GABRA2: variants seen among roughly 807,000 people sequenced by gnomAD.
GABRA2 encodes the protein gamma-aminobutyric acid type A receptor subunit alpha2.
In GABRA2, 16 loss-of-function variants were observed where a neutral mutation model predicts 48.7. That is an observed-to-expected ratio of 0.33 (90% CI 0.22 to 0.50). The LOEUF (loss-of-function observed/expected upper bound fraction) is 0.50, where lower values mean the gene tolerates loss of function less well. Among genes scored for constraint, GABRA2 ranks in the 20% least tolerant of loss-of-function variants. The pLI, the probability that GABRA2 is intolerant of heterozygous loss-of-function variation, is 0.98. For missense variants in GABRA2, 275 were observed against 535.6 expected, an observed-to-expected ratio of 0.51 and a Z score of 4.80; for synonymous variants, 185 against 184.5, an observed-to-expected ratio of 1.00 and a Z score of -0.02.
In GABRA2 at chr4:46,244,502, T is replaced by C. The variant is rs1446222716; in HGVS notation, c.*5806A>G. Among the ~76,000 whole-genome samples, 2 of 151,546 alleles carry C rather than the reference T, an allele frequency of 1.3e-5. No individual in the cohort carries two copies. The highest frequency in any genetic ancestry group is 4.8e-5 in the African/African-American group (2 of 41,400). On this transcript the variant is annotated 3_prime_UTR_variant, in exon 10 of 10. Transcript: ENST00000381620. ...CAAACCTAGTAAGCTAATTCAGCAA[T>C]TGCAATCCCACCGGTGGCATCCCTT...
chr4:46,389,859 G>A lies in GABRA2; in HGVS notation c.-135C>T. 1 of 954,166 alleles carries A rather than the reference G, an allele frequency of 1.0e-6. No homozygotes were observed. The highest frequency in any genetic ancestry group is 2.0e-5 in the African/African-American group (1 of 50,476). The allele number at this position is 954,166 out of a possible 1,614,324, so 59.1% of individuals were successfully genotyped here. A position where few individuals can be genotyped will look rare whatever the true frequency, so the allele number is the denominator to read the frequency against. On this transcript the variant is annotated 5_prime_UTR_variant, in exon 1 of 10. Transcript: ENST00000381620. ...AGAGAGAGAGAGAGAGAGAGAGAGA[G>A]AGACCGAGACTGCAGCAGCCAAGAG...
intron 3 of GABRA2, among the ~76,000 whole-genome samples, chr4:46,378,102 C>G (rs1248608224): frequency 1.3e-5 from 2 of 152,074 alleles, no homozygotes; most frequent in East Asian, 3.9e-4. Flanking sequence ...TGCCCGGCCG[C>G]CCCTACTGGG....
intron 6 of GABRA2, among the ~76,000 whole-genome samples, 155 bp downstream of exon 6, chr4:46,310,018 T>C (rs984989053): frequency 2.2e-4 from 34 of 152,156 alleles, no homozygotes; most frequent in Non-Finnish European, 4.6e-4. Flanking sequence ...TGAGAGATGT[T>C]CCTTAAGGAC....
At chr4:46,255,981 C>G (rs911735922) in intron 9 of GABRA2, among the ~76,000 whole-genome samples, 27 of 151,446 alleles carry the variant, frequency 1.8e-4, no homozygotes, top group African/African-American at 5.8e-4. Context: ...AAATGGGGCT[C>G]TCATTCAAAC....
intron 3 of GABRA2, among the ~76,000 whole-genome samples, chr4:46,344,725 A>C (rs1733857801): frequency 6.6e-6 from 1 of 151,846 alleles, no homozygotes; most frequent in South Asian, 2.1e-4. Flanking sequence ...GGAAGAGAGA[A>C]CATCCTTGAT....
chr4:46,343,992 C>T (rs1042408396), intron 3 of GABRA2, among the ~76,000 whole-genome samples: 1 of 151,742 alleles, frequency 6.6e-6, no homozygotes, highest in African/African-American at 2.4e-5. Flanking sequence ...AGGATTAAGG[C>T]TTGACAGGAG....
At chr4:46,343,816 A>G (rs1317174715) in intron 3 of GABRA2, among the ~76,000 whole-genome samples, 1 of 151,996 alleles carries the variant, frequency 6.6e-6, no homozygotes. Flanking sequence ...TTTGCCATCT[A>G]TGTATATCTG....
rs1187310265 is a variant in GABRA2 at position 46,248,469 on chromosome 4, T to C, written c.*1839A>G. 6.6e-6 allele frequency: 1 copy of C among 151,440 alleles called. No homozygotes were observed. The highest frequency in any genetic ancestry group is 1.5e-5 in the Non-Finnish European group (1 of 67,598). 9.4% of individuals were successfully genotyped at this position (151,440 alleles called of 1,614,324 possible). A position where few individuals can be genotyped will look rare whatever the true frequency, so the allele number is the denominator to read the frequency against. On this transcript the variant is annotated 3_prime_UTR_variant, in exon 10 of 10. Transcript: ENST00000381620. ...TTTATTGGCTCATGTAACAATTTTA[T>C]TTTATTAAGGATTATGGATTACCTC...
chr4:46,325,873 T>C (rs1054309260), intron 4 of GABRA2, among the ~76,000 whole-genome samples: 2 of 152,000 alleles, frequency 1.3e-5, no homozygotes, highest in Non-Finnish European at 2.9e-5. Flanking sequence ...TTGTCAAAGA[T>C]TATCTAGCTA....
chr4:46,266,315 TTAAAATAAATA>T (rs1412820341), intron 8 of GABRA2, among the ~76,000 whole-genome samples: 1 of 147,880 alleles, frequency 6.8e-6, no homozygotes, highest in African/African-American at 2.4e-5. Context: ...TTTTTAATAT[TTAAAATAAATA>T]TAAAATAAAT....
Position 46,286,383 on chromosome 4 carries a change from C to T in GABRA2, c.856+17077G>A, listed in dbSNP as rs150884179. Among the ~76,000 whole-genome samples, 497 of 151,948 alleles carry T rather than the reference C, an allele frequency of 3.3e-3. 1 individual carries two copies. Among genetic ancestry groups the T allele is most frequent in the African/African-American group, 0.011 (448 of 41,486 alleles). On this transcript the variant is annotated intron_variant, in intron 8 of 9. Transcript: ENST00000381620. Reference sequence around the variant, plus strand: ...ATTTGGATTGTTTCCACCTTTTGACCATTGAGAATAATGCTGCTGTAAACA... The same window carrying T: ...ATTTGGATTGTTTCCACCTTTTGACTATTGAGAATAATGCTGCTGTAAACA...
rs905999861 is a variant in GABRA2 at position 46,305,598 on chromosome 4, T to C, written c.673A>G (p.Ile225Val). The change falls in exon 7 of 10, where the codon ATC becomes GTC. Residue 225 changes from isoleucine to valine, a missense_variant. Transcript: ENST00000381620. ...CTGGATTTAATTGTCTCCTTTCCGATTGATTGGCCCAGCAGGTCATATTGA... is the reference window on the plus strand; with the variant it reads ...CTGGATTTAATTGTCTCCTTTCCGACTGATTGGCCCAGCAGGTCATATTGA... The part of the protein sequence containing the change: ...LNQYDLLGQS[I>V]GKETIKSSTG... 18 of 1,613,806 alleles carry C rather than the reference T, an allele frequency of 1.1e-5. No individual in the cohort carries two copies. The highest frequency in any genetic ancestry group is 2.2e-5 in the East Asian group (1 of 44,856).
At chr4:46,341,312 C>T (rs188094) in intron 3 of GABRA2, among the ~76,000 whole-genome samples, 80,145 of 151,576 alleles carry the variant, frequency 0.53, 21,894 homozygotes, top group African/African-American at 0.67. Context: ...TAGTTTTTTA[C>T]TGAAAACTTA....
chr4:46,320,039 T>C (rs935802867), intron 4 of GABRA2, among the ~76,000 whole-genome samples: 2 of 151,782 alleles, frequency 1.3e-5, no homozygotes, highest in Non-Finnish European at 2.9e-5. Context: ...CTTTTCATTA[T>C]ACCATACATA....
At chr4:46,310,342 G>A in intron 5 of GABRA2, 87 bp from the exon 6 acceptor site, 1 of 884,852 alleles carries the variant, frequency 1.1e-6, no homozygotes, top group Non-Finnish European at 1.9e-6. Context: ...ACTCGATAGA[G>A]GTAGAGCATT....
intron 8 of GABRA2, among the ~76,000 whole-genome samples, chr4:46,263,481 A>G (rs1270475450): frequency 6.6e-6 from 1 of 152,000 alleles, no homozygotes; most frequent in East Asian, 1.9e-4. Context: ...ATGTGTGAAA[A>G]AAGACTTTTG....
At chr4:46,260,663 T>G (rs900270866) in intron 9 of GABRA2, 1 of 151,816 alleles carries the variant, frequency 6.6e-6, no homozygotes, top group Admixed American at 6.6e-5. Flanking sequence ...ATTGCATAGA[T>G]ACCATGAAAA....
At chr4:46,290,774 A>C (rs944873868) in intron 8 of GABRA2, among the ~76,000 whole-genome samples, 1 of 152,166 alleles carries the variant, frequency 6.6e-6, no homozygotes, top group African/African-American at 2.4e-5. Flanking sequence ...ACCTTTCAGA[A>C]ATGTCACTTC....
intron 8 of GABRA2, among the ~76,000 whole-genome samples, chr4:46,264,012 T>C (rs555625876): frequency 6.6e-6 from 1 of 152,076 alleles, no homozygotes; most frequent in South Asian, 2.1e-4. Context: ...AGCAACATTC[T>C]ATAGTTTTCA....
Sources: gnomAD v4.1 joint callset for allele counts (sites outside exome capture counted in the v4.1 genomes callset) on GRCh38, gnomAD v4.1.1 for gene constraint, MANE v1.5 for transcripts, NCBI Gene and HGNC (gene_info 2026-07-23, HGNC 2026-07-21) for gene names.